TLE1: variants seen among roughly 807,000 people sequenced by gnomAD.
The protein encoded by TLE1 is TLE family member 1, transcriptional corepressor.
Under a neutral mutation model 89.8 loss-of-function variants are expected in TLE1, and 21 were observed. That is an observed-to-expected ratio of 0.23 (90% CI 0.17 to 0.34). The LOEUF is 0.34. Among genes scored for constraint, TLE1 ranks in the 10% least tolerant of loss-of-function variants. TLE1 has a pLI of 1.00. For missense variants in TLE1, 795 were observed against 1,031.2 expected (o/e 0.77, Z 3.14); for synonymous variants, 447 against 407.6 (o/e 1.10, Z -1.16).
chr9:81,658,459 G>C (rs1830399276), intron 4 of TLE1, among the ~76,000 whole-genome samples: 1 of 152,070 alleles, frequency 6.6e-6, no homozygotes. Context: ...AGGAGCAATA[G>C]AGGAGAGTCT....
chr9:81,628,880 G>T (rs573204449), intron 8 of TLE1, among the ~76,000 whole-genome samples: 1 of 152,240 alleles, frequency 6.6e-6, no homozygotes, highest in African/African-American at 2.4e-5. Flanking sequence ...CCCTTTCTGA[G>T]AATTTGATGA....
intron 14 of TLE1, among the ~76,000 whole-genome samples, chr9:81,594,884 A>G (rs954893373): frequency 6.6e-6 from 1 of 152,236 alleles, no homozygotes; most frequent in African/African-American, 2.4e-5. Flanking sequence ...CATTTGCTTG[A>G]AAATAAAATG....
At chr9:81,627,299 G>T (rs1176290236) in intron 8 of TLE1, among the ~76,000 whole-genome samples, 2 of 147,310 alleles carry the variant, frequency 1.4e-5, no homozygotes, top group African/African-American at 5.1e-5. Context: ...AGGTTTTGGA[G>T]GGAAAAATTG....
intron 4 of TLE1, among the ~76,000 whole-genome samples, chr9:81,656,193 C>T (rs185416892): frequency 7.7e-4 from 118 of 152,262 alleles, no homozygotes; most frequent in African/African-American, 2.5e-3. Flanking sequence ...GTCAGCCCCA[C>T]CCAGTTCATT....
At chr9:81,633,389 G>A (rs757164289) in intron 7 of TLE1, 25 bp from the exon 8 acceptor site, 17 of 1,612,518 alleles carry the variant, frequency 1.1e-5, no homozygotes, top group South Asian at 3.3e-5. Context: ...ACCAAGAAAC[G>A]CACAGACATG....
intron 4 of TLE1, among the ~76,000 whole-genome samples, chr9:81,678,066 G>A (rs1344401010): frequency 6.6e-6 from 1 of 152,110 alleles, no homozygotes; most frequent in African/African-American, 2.4e-5. Flanking sequence ...GAATGACTAA[G>A]CAGCAAATAC....
intron 4 of TLE1, among the ~76,000 whole-genome samples, chr9:81,680,927 G>C (rs1368223778): frequency 6.8e-6 from 1 of 146,136 alleles, no homozygotes; most frequent in Non-Finnish European, 1.5e-5. Flanking sequence ...AACACACAGG[G>C]TTAAAAAAAA....
At chr9:81,600,681 T>C (rs935478855) in intron 14 of TLE1, among the ~76,000 whole-genome samples, 4 of 151,204 alleles carry the variant, frequency 2.6e-5, no homozygotes, top group African/African-American at 9.7e-5. Context: ...CAATTTTATA[T>C]GTCAACTTGA....
Position 81,592,961 on chromosome 9 carries a change from A to G in TLE1, c.1581+64T>C. 3.2e-6 allele frequency: 5 copies of G among 1,562,000 alleles called. No individual in the cohort carries two copies. The South Asian group carries it at 3.6e-5, about 11-fold the overall frequency. ...ATGGGAATAAAACCCAGGCCCACAC[A>G]GCTATTTCCTTATTGAATCTCCAGG... On this transcript the variant is annotated intron_variant, in intron 15 of 19. Coordinates refer to ENST00000376499, the MANE Select transcript of TLE1 (RefSeq NM_005077.5).
At chr9:81,620,212 T>C (rs933469497) in intron 9 of TLE1, among the ~76,000 whole-genome samples, 28 of 152,154 alleles carry the variant, frequency 1.8e-4, no homozygotes, top group African/African-American at 6.3e-4. Context: ...TGCATTTTCA[T>C]ATTCCCTTTT....
In TLE1 at chr9:81,659,512, C is replaced by A. The variant is rs114163697; in HGVS notation, c.235-5476G>T. On this transcript the variant is annotated intron_variant, in intron 4 of 19. Coordinates refer to ENST00000376499, the MANE Select transcript of TLE1 (RefSeq NM_005077.5). ...TCCACAAACCAAATCTGCATGAAACCCTCCACTCAGAAATGTAAGCAGCAG... is the reference window on the plus strand; with the variant it reads ...TCCACAAACCAAATCTGCATGAAACACTCCACTCAGAAATGTAAGCAGCAG... Among the ~76,000 whole-genome samples, 384 of 152,256 alleles carry A rather than the reference C, an allele frequency of 2.5e-3. 3 individuals are homozygous for A. Among genetic ancestry groups the A allele is most frequent in the African/African-American group, 8.7e-3 (362 of 41,538 alleles).
chr9:81,584,101 A>C lies in TLE1; in HGVS notation c.*97T>G. The C allele has an allele frequency of 9.0e-7, 1 of 1,114,802 alleles. No homozygotes were observed. 69.1% of individuals were successfully genotyped at this position (1,114,802 alleles called of 1,614,324 possible). A position where few individuals can be genotyped will look rare whatever the true frequency, so the allele number is the denominator to read the frequency against. On this transcript the variant is annotated 3_prime_UTR_variant, in exon 20 of 20. Coordinates refer to ENST00000376499, the MANE Select transcript of TLE1 (RefSeq NM_005077.5). Reference sequence around the variant, plus strand: ...TCAAGGTTTGGAAACAGGTGTTTGTAATTTTTTTTCTCTTTTAAAGTTACA... The same window carrying C: ...TCAAGGTTTGGAAACAGGTGTTTGTCATTTTTTTTCTCTTTTAAAGTTACA...
chr9:81,608,311 G>A (rs1167303339), intron 14 of TLE1, among the ~76,000 whole-genome samples: 1 of 152,096 alleles, frequency 6.6e-6, no homozygotes, highest in Non-Finnish European at 1.5e-5. Flanking sequence ...GTGCCCCAAC[G>A]ACCAGCCTGG....
At chr9:81,616,510 C>G (rs1824533842) in intron 10 of TLE1, 136 bp downstream of exon 10, 3 of 799,962 alleles carry the variant, frequency 3.8e-6, no homozygotes, top group Non-Finnish European at 6.1e-6. Flanking sequence ...CATGAGCAAC[C>G]ATTAACTTCT....
At chr9:81,664,979 G>A (rs1038161846) in intron 4 of TLE1, among the ~76,000 whole-genome samples, 3 of 151,474 alleles carry the variant, frequency 2.0e-5, no homozygotes, top group Non-Finnish European at 2.9e-5. Context: ...CTTAGCACCT[G>A]CCAGGTGCTC....
rs151236625 is a variant in TLE1, at chr9:81,593,100, G to A, written c.1506C>T (p.Gly502=). The part of the protein sequence containing the change: ...ISNPTRHVYT[G]GKGCVKVWDI... ...CCCAGACCTTGACGCAGCCCTTCCCGCCTGTGTACACGTGTCTCGTGGGGT... is the reference window on the plus strand; with the variant it reads ...CCCAGACCTTGACGCAGCCCTTCCCACCTGTGTACACGTGTCTCGTGGGGT... Residue 502 remains glycine, a synonymous_variant, in exon 15 of 20, where the codon GGC becomes GGT. Coordinates refer to ENST00000376499, the MANE Select transcript of TLE1 (RefSeq NM_005077.5). The A allele has an allele frequency of 8.7e-6, 14 of 1,614,136 alleles. No homozygotes were observed. Among genetic ancestry groups the A allele is most frequent in the African/African-American group, 2.7e-5 (2 of 75,020 alleles).
chr9:81,584,178 C>T lies in TLE1; in HGVS notation c.*20G>A. On this transcript the variant is annotated 3_prime_UTR_variant, in exon 20 of 20. Coordinates refer to ENST00000376499, the MANE Select transcript of TLE1 (RefSeq NM_005077.5). ...CATTTTGGCCCAATTCAACTATAAA[C>T]GTTAAACCACATAATGTTTTCAGTA... The T allele has an allele frequency of 2.5e-6, 4 of 1,598,780 alleles. No individual in the cohort carries two copies. Among genetic ancestry groups the T allele is most frequent in the South Asian group, 1.1e-5 (1 of 90,758 alleles).
chr9:81,584,437 T>C lies in TLE1; in HGVS notation c.2205+11A>G. The C allele has an allele frequency of 3.1e-6, 5 of 1,613,380 alleles. No individual in the cohort carries two copies. Among genetic ancestry groups the C allele is most frequent in the Non-Finnish European group, 3.4e-6 (4 of 1,179,502 alleles). The stretch of plus-strand genomic sequence containing the variant: ...TCAAACTGTGGATCTAGGTGAGGAG[T>C]ACTTACTCACCTGGAATATGCTGGC... On this transcript the variant is annotated intron_variant, in intron 19 of 19. Coordinates refer to ENST00000376499, the MANE Select transcript of TLE1 (RefSeq NM_005077.5).
intron 4 of TLE1, among the ~76,000 whole-genome samples, chr9:81,660,765 A>G (rs1410043282): frequency 6.6e-6 from 1 of 151,544 alleles, no homozygotes; most frequent in Non-Finnish European, 1.5e-5. Flanking sequence ...CTCAGAGATC[A>G]GCAATCAATC....
Sources: allele counts gnomAD v4.1 joint callset (sites outside exome capture counted in the v4.1 genomes callset), GRCh38; gene constraint gnomAD v4.1.1; transcripts MANE v1.5; gene names NCBI Gene and HGNC (gene_info 2026-07-23, HGNC 2026-07-21).